GOLGA8J: variants seen among roughly 807,000 people sequenced by gnomAD.
GOLGA8J encodes the protein golgin subfamily A member 8J.
In GOLGA8J, 19 loss-of-function variants were observed where a neutral mutation model predicts 67.7. The ratio of observed to expected loss-of-function variants is 0.28; its 90% CI spans 0.20 to 0.41. The LOEUF (loss-of-function observed/expected upper bound fraction) is 0.41. Ranked by LOEUF, GOLGA8J falls within the 10% of genes least tolerant of loss-of-function variation. The probability of loss-of-function intolerance (pLI) is 1.00; values close to 1 mark genes in which losing one functional copy is unlikely to be tolerated. For missense variants in GOLGA8J, 205 were observed against 584.3 expected (o/e 0.35, Z 6.69); for synonymous variants, 69 against 215.9 (o/e 0.32, Z 5.97).
intron 12 of GOLGA8J, 43 bp from the exon 13 acceptor site, chr15:30,090,169 T>TC (rs1437295546): frequency 1.0e-6 from 1 of 988,498 alleles, no homozygotes; most frequent in Admixed American, 2.1e-5. Context: ...TTCTGGGGTC[T>TC]CCAGCTGCAG....
chr15:30,094,819 T>C lies in GOLGA8J; in HGVS notation c.*1320T>C, dbSNP rs1333395846. On this transcript the variant is annotated 3_prime_UTR_variant, in exon 19 of 19. Transcript: ENST00000567927. The stretch of plus-strand genomic sequence containing the variant: ...ACTTAGTTGAAACAAAAAGGAGTTT[T>C]AGTAGACGGTATTGTACTCTCTTTG... Among the ~76,000 whole-genome samples the C allele has an allele frequency of 7.2e-6, 1 of 138,310 alleles. No individual in the cohort carries two copies. 90.7% of individuals were successfully genotyped at this position (138,310 alleles called of 152,430 possible). A position where few individuals can be genotyped will look rare whatever the true frequency, so the allele number is the denominator to read the frequency against.
Position 30,096,257 on chromosome 15 carries a change from T to A in GOLGA8J, c.*2758T>A, listed in dbSNP as rs932206016. Among the ~76,000 whole-genome samples the A allele has an allele frequency of 6.7e-6, 1 of 150,056 alleles. No homozygotes were observed. The highest frequency in any genetic ancestry group is 1.5e-5 in the Non-Finnish European group (1 of 67,866). ...CATTTTAAAAGTATTTGATTCAACC[T>A]GATAATTTTCCAGAAATGAAAAAAA... On this transcript the variant is annotated 3_prime_UTR_variant, in exon 19 of 19. Transcript: ENST00000567927.
rs1478443457 is a variant in GOLGA8J, at chr15:30,096,458, A to G, written c.*2959A>G. ...GAAATAATTTAAAACATTTTAAAATATGAATACTGTAGTATAAAAGAAAGA... is the reference window on the plus strand; with the variant it reads ...GAAATAATTTAAAACATTTTAAAATGTGAATACTGTAGTATAAAAGAAAGA... On this transcript the variant is annotated 3_prime_UTR_variant, in exon 19 of 19. Coordinates refer to ENST00000567927, the MANE Select transcript of GOLGA8J (RefSeq NM_001282472.2). 2.6e-3 allele frequency among the ~76,000 whole-genome samples: 386 copies of G among 145,990 alleles called. No individual in the cohort carries two copies. Among genetic ancestry groups the G allele is most frequent in the African/African-American group, 9.7e-3 (362 of 37,148 alleles).
At chr15:30,091,988 C>T in intron 14 of GOLGA8J, 54 bp from the exon 15 acceptor site, 2 of 1,586,818 alleles carry the variant, frequency 1.3e-6, no homozygotes, top group Non-Finnish European at 1.7e-6. Context: ...GAGGTGGGCC[C>T]ACAGTACCTC....
At chr15:30,088,476 C>T (rs2057360409) in intron 8 of GOLGA8J, 2 of 569,616 alleles carry the variant, frequency 3.5e-6, no homozygotes, top group East Asian at 2.9e-5. Flanking sequence ...CACAAAGGTT[C>T]AAACAGTGGT....
Position 30,084,936 on chromosome 15 carries a change from G to T in GOLGA8J, c.168+46G>T, listed in dbSNP as rs758852173. On this transcript the variant is annotated intron_variant, in intron 2 of 18. Coordinates refer to ENST00000567927, the MANE Select transcript of GOLGA8J (RefSeq NM_001282472.2). ...CTTCTGGGGACAGGGGGCCCAAGGG[G>T]CAGTAGAGGGTAATTGTTAAGATTG... is the stretch of plus-strand genomic sequence containing the variant. 26 of 1,494,654 alleles carry T rather than the reference G, an allele frequency of 1.7e-5. 1 individual carries two copies. Among genetic ancestry groups the T allele is most frequent in the Non-Finnish European group, 2.3e-5 (26 of 1,141,444 alleles). The allele number at this position is 1,494,654 out of a possible 1,614,324, so 92.6% of individuals were successfully genotyped here.
At chr15:30,090,686 CAAAAAAAA>C (rs71270989) in intron 13 of GOLGA8J, among the ~76,000 whole-genome samples, 2 of 59,396 alleles carry the variant, frequency 3.4e-5, no homozygotes, top group African/African-American at 1.6e-4. Flanking sequence ...ACTAAAATTA[CAAAAAAAA>C]AAAAAAAAAA....
rs1233473686 is a variant in GOLGA8J at position 30,084,782 on chromosome 15, T to G, written c.60T>G (p.Tyr20Ter). Residue 20 changes from tyrosine (Y) to a stop codon, truncating the protein, a stop_gained, in exon 2 of 19, where the codon TAT becomes TAG. Coordinates refer to ENST00000567927, the MANE Select transcript of GOLGA8J (RefSeq NM_001282472.2). LOFTEE classifies it high-confidence loss of function. ...LAAAKKKLKE[Y>*]WQKNSPRVPA... is the part of the protein sequence containing the mutation. ...CTTCTTTCCAACAGTTAAAAGAATA[T>G]TGGCAGAAAAACAGCCCTAGAGTTC... The G allele has an allele frequency of 8.7e-7, 1 of 1,142,930 alleles. No homozygotes were observed. Among genetic ancestry groups the G allele is most frequent in the South Asian group, 1.5e-5 (1 of 66,892 alleles). 70.8% of individuals were successfully genotyped at this position (1,142,930 alleles called of 1,614,324 possible).
intron 11 of GOLGA8J, 58 bp from the exon 12 acceptor site, chr15:30,089,642 A>T: frequency 8.0e-7 from 1 of 1,254,038 alleles, no homozygotes. Context: ...GTGCGCCAAG[A>T]GGAGGGTTTT....
At chr15:30,091,897 T>C (rs2057408523) in intron 14 of GOLGA8J, 145 bp from the exon 15 acceptor site, 4 of 629,752 alleles carry the variant, frequency 6.4e-6, no homozygotes, top group Non-Finnish European at 1.1e-5. Flanking sequence ...ATCTTGATTC[T>C]TAAAAGTAAA....
chr15:30,093,244 G>C lies in GOLGA8J; in HGVS notation c.1723+5G>C. The C allele has an allele frequency of 6.3e-7, 1 of 1,585,762 alleles. No homozygotes were observed. The highest frequency in any genetic ancestry group is 1.1e-5 in the South Asian group (1 of 89,564). ...GGGCTGCAGACAAGCATGGTCGTGAGTAGAGCCCTCAGGTGGGGTGGGCAG... is the reference window on the plus strand; with the variant it reads ...GGGCTGCAGACAAGCATGGTCGTGACTAGAGCCCTCAGGTGGGGTGGGCAG... On this transcript the variant is annotated splice_donor_5th_base_variant and intron_variant, in intron 18 of 18. Transcript: ENST00000567927.
In GOLGA8J at chr15:30,084,954, T is replaced by A. The variant is rs1367594382; in HGVS notation, c.168+64T>A. Reference sequence around the variant, plus strand: ...CCAAGGGGCAGTAGAGGGTAATTGTTAAGATTGTGGATGGACTGCTGGGTA... The same window carrying A: ...CCAAGGGGCAGTAGAGGGTAATTGTAAAGATTGTGGATGGACTGCTGGGTA... On this transcript the variant is annotated intron_variant, in intron 2 of 18. Coordinates refer to ENST00000567927, the MANE Select transcript of GOLGA8J (RefSeq NM_001282472.2). 3 of 1,488,168 alleles carry A rather than the reference T, an allele frequency of 2.0e-6. No individual in the cohort carries two copies. The Admixed American group carries it at 5.4e-5, about 27-fold the overall frequency. 92.2% of individuals were successfully genotyped at this position (1,488,168 alleles called of 1,614,324 possible).
intron 13 of GOLGA8J, among the ~76,000 whole-genome samples, chr15:30,090,780 C>T (rs1215305734): frequency 7.9e-6 from 1 of 126,186 alleles, no homozygotes; most frequent in Non-Finnish European, 1.6e-5. Flanking sequence ...TTGCTTCAAC[C>T]CAGGAGGTGG....
In GOLGA8J at chr15:30,095,527, A is replaced by G. The variant is rs1328731907; in HGVS notation, c.*2028A>G. 2.8e-5 allele frequency among the ~76,000 whole-genome samples: 4 copies of G among 141,266 alleles called. No homozygotes were observed. The highest frequency in any genetic ancestry group is 1.4e-4 in the Admixed American group (2 of 14,088). The allele number at this position is 141,266 out of a possible 152,430, so 92.7% of individuals were successfully genotyped here. A position where few individuals can be genotyped will look rare whatever the true frequency, so the allele number is the denominator to read the frequency against. On this transcript the variant is annotated 3_prime_UTR_variant, in exon 19 of 19. Transcript: ENST00000567927. ...TAGCCCGTGGGTTTAAAATGCACTTAAAGTCCTGTTCTCGCCTTTTATTTT... is the reference window on the plus strand; with the variant it reads ...TAGCCCGTGGGTTTAAAATGCACTTGAAGTCCTGTTCTCGCCTTTTATTTT...
chr15:30,092,035 C>G lies in GOLGA8J; in HGVS notation c.1277-7C>G, dbSNP rs969224344. 41 of 1,598,236 alleles carry G rather than the reference C, an allele frequency of 2.6e-5. 5 individuals carry two copies. The highest frequency in any genetic ancestry group is 3.3e-5 in the Non-Finnish European group (39 of 1,174,066). On this transcript the variant is annotated splice_region_variant and splice_polypyrimidine_tract_variant and intron_variant, in intron 14 of 18. Coordinates refer to ENST00000567927, the MANE Select transcript of GOLGA8J (RefSeq NM_001282472.2). ...TGTCTGAAGACCCGTCTGACCACCC[C>G]CCACAGGACACGGAGGAGAACATCT...
chr15:30,094,213 A>T lies in GOLGA8J; in HGVS notation c.*714A>T, dbSNP rs77379907. ...ATCTGTTCCGGTGCCCGGAATTAGC[A>T]GTGTATTATGGTGGTTCCCTTAGGA... On this transcript the variant is annotated 3_prime_UTR_variant, in exon 19 of 19. Transcript: ENST00000567927. Among the ~76,000 whole-genome samples the T allele has an allele frequency of 2.9e-5, 4 of 139,338 alleles. No homozygotes were observed. Among genetic ancestry groups the T allele is most frequent in the Non-Finnish European group, 6.0e-5 (4 of 66,792 alleles). 91.4% of individuals were successfully genotyped at this position (139,338 alleles called of 152,430 possible).
rs1206670576 is a variant in GOLGA8J at position 30,094,969 on chromosome 15, G to C, written c.*1470G>C. On this transcript the variant is annotated 3_prime_UTR_variant, in exon 19 of 19. Transcript: ENST00000567927. ...AATCACAGAGTTATATTTTCTCACA[G>C]ACTTCTTTACAAAGTGAAATATGTT... 7.1e-6 allele frequency among the ~76,000 whole-genome samples: 1 copy of C among 141,556 alleles called. No individual in the cohort carries two copies. Among genetic ancestry groups the C allele is most frequent in the Non-Finnish European group, 1.5e-5 (1 of 66,726 alleles). The allele number at this position is 141,556 out of a possible 152,430, so 92.9% of individuals were successfully genotyped here.
rs2057379435 is a variant in GOLGA8J, at chr15:30,089,919, A to G, written c.1094A>G (p.Gln365Arg). ...ATTCAGGAGCAGCACAAGAGCCTTC[A>G]GCAGCTGGCCAAGCCACAGAGCGTC... is the stretch of plus-strand genomic sequence containing the variant. ...ERIQEQHKSL[Q>R]QLAKPQSVFK... The change falls in exon 12 of 19, where the codon CAG becomes CGG. Residue 365 changes from glutamine (Q) to arginine (R), a missense_variant. Transcript: ENST00000567927. 2.6e-6 allele frequency: 4 copies of G among 1,510,660 alleles called. 1 individual carries two copies. In the South Asian group the frequency reaches 3.6e-5, roughly 14 times the overall value. 93.6% of individuals were successfully genotyped at this position (1,510,660 alleles called of 1,614,324 possible).
rs1438858265 is a variant in GOLGA8J at position 30,094,365 on chromosome 15, G to A, written c.*866G>A. On this transcript the variant is annotated 3_prime_UTR_variant, in exon 19 of 19. Transcript: ENST00000567927. The stretch of plus-strand genomic sequence containing the variant: ...GTTCCCATCATTGACTGTGGATGTG[G>A]GAAACCTTTCCTAGCTTAGAGCATT... 6.8e-6 allele frequency among the ~76,000 whole-genome samples: 1 copy of A among 147,916 alleles called. No homozygotes were observed. The highest frequency in any genetic ancestry group is 1.5e-5 in the Non-Finnish European group (1 of 67,650).
Sources: allele counts gnomAD v4.1 joint callset (sites outside exome capture counted in the v4.1 genomes callset), GRCh38; gene constraint gnomAD v4.1.1; transcripts MANE v1.5; gene names NCBI Gene and HGNC (gene_info 2026-07-23, HGNC 2026-07-21).